B3GALT1: variants seen among roughly 807,000 people sequenced by gnomAD.
B3GALT1 encodes the protein UDP-Gal:betaGlcNAc beta 1,3-galactosyltransferase, polypeptide 1.
In B3GALT1, 10 loss-of-function variants were observed where a neutral mutation model predicts 23.2. That is an observed-to-expected ratio of 0.43 (90% CI 0.27 to 0.73). The LOEUF (loss-of-function observed/expected upper bound fraction) is 0.73, where lower values mean the gene tolerates loss of function less well. B3GALT1 is among the 30% of genes least tolerant of loss of function. The pLI is 0.21. For synonymous variants in B3GALT1, 156 were observed against 141.5 expected (o/e 1.10, Z -0.73); for missense variants, 299 against 405.4 (o/e 0.74, Z 2.25).
chr2:167,660,500 C>T (rs556386558), intron 3 of B3GALT1, among the ~76,000 whole-genome samples: 1 of 152,156 alleles, frequency 6.6e-6, no homozygotes, highest in Non-Finnish European at 1.5e-5. Flanking sequence ...TGTAATTTGG[C>T]TTTTAAGGTC....
rs1002782595 is a variant in B3GALT1 at position 167,870,590 on chromosome 2, G to A, written c.*570G>A. Reference sequence around the variant, plus strand: ...TAAATAGATGGGAGTTTAAATTTGAGAATCAAACATTCTATGTGTTTGGAA... The same window carrying A: ...TAAATAGATGGGAGTTTAAATTTGAAAATCAAACATTCTATGTGTTTGGAA... On this transcript the variant is annotated 3_prime_UTR_variant, in exon 5 of 5. Coordinates refer to ENST00000392690, the MANE Select transcript of B3GALT1 (RefSeq NM_020981.4). 6.0e-6 allele frequency: 1 copy of A among 167,056 alleles called. No individual in the cohort carries two copies. The highest frequency in any genetic ancestry group is 1.9e-4 in the East Asian group (1 of 5,208). The allele number at this position is 167,056 out of a possible 1,614,324, so 10.3% of individuals were successfully genotyped here. A position where few individuals can be genotyped will look rare whatever the true frequency, so the allele number is the denominator to read the frequency against.
At chr2:167,737,825 G>A (rs1197589635) in intron 3 of B3GALT1, among the ~76,000 whole-genome samples, 2 of 152,216 alleles carry the variant, frequency 1.3e-5, no homozygotes, top group African/African-American at 4.8e-5. Context: ...GTAAGCTGAT[G>A]ATGGCAGTTG....
chr2:167,443,106 T>C (rs1698921056), intron 1 of B3GALT1, among the ~76,000 whole-genome samples: 1 of 152,064 alleles, frequency 6.6e-6, no homozygotes, highest in Non-Finnish European at 1.5e-5. Context: ...TAGCCAGTTT[T>C]CCCAGCACCA....
intron 3 of B3GALT1, among the ~76,000 whole-genome samples, chr2:167,664,478 G>GT (rs1686134865): frequency 6.6e-6 from 1 of 152,074 alleles, no homozygotes; most frequent in South Asian, 2.1e-4. Flanking sequence ...CTTTAAAGTA[G>GT]TTTTTTCCAA....
At chr2:167,606,773 A>G (rs1408796911) in intron 2 of B3GALT1, among the ~76,000 whole-genome samples, 1 of 152,234 alleles carries the variant, frequency 6.6e-6, no homozygotes, top group South Asian at 2.1e-4. Context: ...ACAAATAAAA[A>G]TGTGTTCAAA....
intron 3 of B3GALT1, among the ~76,000 whole-genome samples, chr2:167,811,164 A>G (rs902331190): frequency 1.3e-5 from 2 of 152,242 alleles, no homozygotes; most frequent in African/African-American, 4.8e-5. Context: ...GAAAATTGTA[A>G]GCCTTCTTTT....
chr2:167,646,322 G>C (rs1156847098), intron 2 of B3GALT1, among the ~76,000 whole-genome samples: 1 of 152,100 alleles, frequency 6.6e-6, no homozygotes, highest in African/African-American at 2.4e-5. Flanking sequence ...TAGGACCCAG[G>C]GTTTCTGCCA....
chr2:167,820,892 T>C (rs1435925768), intron 4 of B3GALT1, among the ~76,000 whole-genome samples: 1 of 152,336 alleles, frequency 6.6e-6, no homozygotes, highest in East Asian at 1.9e-4. Context: ...TTGTTTATAT[T>C]CCTGGCGATG....
At chr2:167,447,097 A>G (rs920364042) in intron 1 of B3GALT1, among the ~76,000 whole-genome samples, 5 of 152,176 alleles carry the variant, frequency 3.3e-5, no homozygotes, top group Admixed American at 1.3e-4. Context: ...ACCATCAGCT[A>G]CAGGTCTGTT....
rs920007268 is a variant in B3GALT1, at chr2:167,860,298, G to A, written c.-229-8513G>A. Reference sequence around the variant, plus strand: ...TCTCTTTTCCCCTTTTCAATATCATGATGTACTGCACAGCCAGCTCCTCAC... The same window carrying A: ...TCTCTTTTCCCCTTTTCAATATCATAATGTACTGCACAGCCAGCTCCTCAC... On this transcript the variant is annotated intron_variant, in intron 4 of 4. Transcript: ENST00000392690. 3.3e-5 allele frequency among the ~76,000 whole-genome samples: 5 copies of A among 152,100 alleles called. 1 individual carries two copies. Among genetic ancestry groups the A allele is most frequent in the Non-Finnish European group, 7.4e-5 (5 of 68,012 alleles).
At chr2:167,656,694 G>A (rs972852578) in intron 3 of B3GALT1, among the ~76,000 whole-genome samples, 2 of 152,162 alleles carry the variant, frequency 1.3e-5, no homozygotes, top group African/African-American at 4.8e-5. Flanking sequence ...CACTGGATTA[G>A]CTGTCCTACA....
intron 3 of B3GALT1, among the ~76,000 whole-genome samples, chr2:167,673,484 G>T (rs1451401003): frequency 6.6e-6 from 1 of 152,044 alleles, no homozygotes; most frequent in Admixed American, 6.5e-5. Flanking sequence ...TTTGGAAAAA[G>T]AAATTGCTGT....
chr2:167,422,173 C>A (rs182339321), intron 1 of B3GALT1, among the ~76,000 whole-genome samples: 1 of 151,724 alleles, frequency 6.6e-6, no homozygotes, highest in African/African-American at 2.4e-5. Flanking sequence ...GAGAAGGAGA[C>A]GACAGTGACA....
intron 1 of B3GALT1, among the ~76,000 whole-genome samples, chr2:167,382,673 G>A (rs1430483688): frequency 6.6e-6 from 1 of 152,132 alleles, no homozygotes; most frequent in Non-Finnish European, 1.5e-5. Context: ...GGTGAATACG[G>A]CATATAGAAA....
chr2:167,621,608 T>A (rs916115246), intron 2 of B3GALT1, among the ~76,000 whole-genome samples: 2 of 152,042 alleles, frequency 1.3e-5, no homozygotes, highest in Non-Finnish European at 2.9e-5. Context: ...TTTGGCTGTG[T>A]CCCCACCCAA....
intron 4 of B3GALT1, among the ~76,000 whole-genome samples, chr2:167,821,357 A>G (rs1032967020): frequency 6.6e-6 from 1 of 151,654 alleles, no homozygotes; most frequent in African/African-American, 2.4e-5. Context: ...AGCAAATTGC[A>G]CGATATCCAA....
intron 3 of B3GALT1, among the ~76,000 whole-genome samples, chr2:167,781,919 T>G (rs890052765): frequency 6.6e-6 from 1 of 152,120 alleles, no homozygotes; most frequent in Non-Finnish European, 1.5e-5. Context: ...TTTTTGTACT[T>G]TTTAATAGAA....
At chr2:167,806,357 A>C (rs1307643531) in intron 3 of B3GALT1, among the ~76,000 whole-genome samples, 2 of 152,206 alleles carry the variant, frequency 1.3e-5, no homozygotes, top group Non-Finnish European at 2.9e-5. Flanking sequence ...CAGAACTTCC[A>C]ACACTATGTT....
intron 3 of B3GALT1, among the ~76,000 whole-genome samples, chr2:167,735,311 C>CT (rs1374741435): frequency 2.6e-5 from 4 of 152,152 alleles, no homozygotes; most frequent in Non-Finnish European, 4.4e-5. Context: ...GGGGGCCATT[C>CT]TTTTATTAAT....
Sources: gnomAD v4.1 joint callset for allele counts (sites outside exome capture counted in the v4.1 genomes callset) on GRCh38, gnomAD v4.1.1 for gene constraint, MANE v1.5 for transcripts, NCBI Gene and HGNC (gene_info 2026-07-23, HGNC 2026-07-21) for gene names.